COLEC12: variants seen among roughly 807,000 people sequenced by gnomAD.
COLEC12 encodes collectin subfamily member 12, also known as collectin-12.
COLEC12 carries 33 observed loss-of-function variants against 71.1 expected under a neutral mutation model. The ratio of observed to expected loss-of-function variants is 0.46; its 90% CI spans 0.35 to 0.62. COLEC12 has a LOEUF of 0.62. Ranked by LOEUF, COLEC12 falls within the 20% of genes least tolerant of loss-of-function variation. The probability of loss-of-function intolerance (pLI) is 0.00; values close to 1 mark genes in which losing one functional copy is unlikely to be tolerated. For synonymous variants in COLEC12, 350 were observed against 353.0 expected (o/e 0.99, Z 0.10); for missense variants, 765 against 916.1 (o/e 0.84, Z 2.13).
intron 5 of COLEC12, among the ~76,000 whole-genome samples, chr18:344,105 T>C (rs776523894): frequency 3.9e-5 from 6 of 152,064 alleles, no homozygotes; most frequent in Non-Finnish European, 7.4e-5. Flanking sequence ...CAGAATACCA[T>C]GATAAGATTG....
At chr18:419,148 CTTCTATTCTATTCTATTCTATTCTA>C (rs57522856) in intron 2 of COLEC12, among the ~76,000 whole-genome samples, 5,759 of 145,476 alleles carry the variant, frequency 0.04, 312 homozygotes, top group African/African-American at 0.13. Flanking sequence ...AGGCATCATA[CTTCTATTCTATTCTATTCTATTCTA>C]TTCTATTCTA....
At chr18:463,149 C>T (rs1376118892) in intron 2 of COLEC12, among the ~76,000 whole-genome samples, 2 of 152,178 alleles carry the variant, frequency 1.3e-5, no homozygotes, top group Non-Finnish European at 2.9e-5. Context: ...GAAAAAGCTT[C>T]CAACCTCTGC....
At chr18:429,949 T>A (rs1162101436) in intron 2 of COLEC12, among the ~76,000 whole-genome samples, 1 of 152,238 alleles carries the variant, frequency 6.6e-6, no homozygotes, top group African/African-American at 2.4e-5. Flanking sequence ...AAATAGAATG[T>A]AAGCTGCCTT....
intron 2 of COLEC12, among the ~76,000 whole-genome samples, chr18:440,292 T>C (rs889968998): frequency 1.3e-5 from 2 of 151,888 alleles, no homozygotes; most frequent in African/African-American, 4.8e-5. Flanking sequence ...TATAGCATGG[T>C]AACTGTAGTT....
intron 2 of COLEC12, among the ~76,000 whole-genome samples, chr18:391,423 G>A (rs1295952207): frequency 6.6e-6 from 1 of 152,188 alleles, no homozygotes; most frequent in African/African-American, 2.4e-5. Flanking sequence ...GTTCTTCAGC[G>A]AATACACATG....
chr18:380,743 C>T (rs1437967634), intron 2 of COLEC12, among the ~76,000 whole-genome samples: 1 of 152,110 alleles, frequency 6.6e-6, no homozygotes, highest in Non-Finnish European at 1.5e-5. Flanking sequence ...AGCTGTACAT[C>T]AGAAATCAAG....
At chr18:481,402 C>T (rs2143772968) in intron 1 of COLEC12, among the ~76,000 whole-genome samples, 1 of 152,212 alleles carries the variant, frequency 6.6e-6, no homozygotes, top group Middle Eastern at 3.4e-3. Flanking sequence ...GCATACCCAC[C>T]ATGGAAAGAA....
intron 2 of COLEC12, among the ~76,000 whole-genome samples, chr18:410,442 C>CTTT (rs113699478): frequency 5.5e-5 from 8 of 144,582 alleles, no homozygotes; most frequent in South Asian, 2.2e-4. Flanking sequence ...AGTTGTTCTT[C>CTTT]TTTTTTTTTT....
chr18:460,356 C>T (rs1487778422), intron 2 of COLEC12, among the ~76,000 whole-genome samples: 8 of 152,166 alleles, frequency 5.3e-5, no homozygotes, highest in Non-Finnish European at 8.8e-5. Context: ...TTTCATTTTA[C>T]GCATCAGTGA....
intron 5 of COLEC12, among the ~76,000 whole-genome samples, chr18:342,691 A>G (rs1914282858): frequency 6.6e-6 from 1 of 152,214 alleles, no homozygotes; most frequent in Admixed American, 6.5e-5. Flanking sequence ...TCGTTCCCTT[A>G]GAATACCTGC....
chr18:366,884 A>C (rs1481193943), intron 2 of COLEC12, among the ~76,000 whole-genome samples: 1 of 152,204 alleles, frequency 6.6e-6, no homozygotes, highest in Admixed American at 6.5e-5. Context: ...TGACAGTTAA[A>C]ACACTGACAC....
intron 2 of COLEC12, among the ~76,000 whole-genome samples, chr18:359,941 G>A (rs1914707905): frequency 6.6e-6 from 1 of 152,196 alleles, no homozygotes; most frequent in Non-Finnish European, 1.5e-5. Context: ...GCAAAATGAT[G>A]AGAGAAACAG....
chr18:481,335 G>A (rs1242295280), intron 1 of COLEC12, among the ~76,000 whole-genome samples: 2 of 110,574 alleles, frequency 1.8e-5, no homozygotes, highest in African/African-American at 5.3e-5. Context: ...GGGACCAACC[G>A]ATGGTTTCGC....
intron 2 of COLEC12, among the ~76,000 whole-genome samples, chr18:425,162 T>C (rs532698320): frequency 5.3e-5 from 8 of 152,312 alleles, no homozygotes; most frequent in Admixed American, 2.0e-4. Context: ...CTTAATTGTG[T>C]CTATGGTATT....
chr18:384,643 C>G (rs1423736422), intron 2 of COLEC12, among the ~76,000 whole-genome samples: 4 of 152,160 alleles, frequency 2.6e-5, no homozygotes, highest in African/African-American at 7.2e-5. Flanking sequence ...TAGAGTGAAA[C>G]CCCGTTGGTC....
rs116522041 is a variant in COLEC12 at position 392,578 on chromosome 18, C to T, written c.59-35056G>A. The stretch of plus-strand genomic sequence containing the variant: ...TCAGATGCTATTTGGTGAAATGCCA[C>T]ACCCTTGTCCCAGCTTTCTGGACCC... On this transcript the variant is annotated intron_variant, in intron 2 of 9. Transcript: ENST00000400256. Among the ~76,000 whole-genome samples, 988 of 152,338 alleles carry T rather than the reference C, an allele frequency of 6.5e-3. 10 individuals are homozygous for T. Among genetic ancestry groups the T allele is most frequent in the African/African-American group, 0.022 (917 of 41,568 alleles).
At chr18:405,273 T>C (rs542332969) in intron 2 of COLEC12, among the ~76,000 whole-genome samples, 34 of 152,346 alleles carry the variant, frequency 2.2e-4, no homozygotes, top group Non-Finnish European at 4.7e-4. Context: ...TTATGAATAG[T>C]TCTGCTTTTG....
In COLEC12 at chr18:480,766, G is replaced by A. The variant is rs1917399215; in HGVS notation, c.8-9C>T. The A allele has an allele frequency of 1.2e-6, 2 of 1,613,652 alleles. No individual in the cohort carries two copies. The highest frequency in any genetic ancestry group is 1.7e-6 in the Non-Finnish European group (2 of 1,179,634). ...CTCCTCTGCGAAGTCGTCTGTGAGA[G>A]AAGAAGAGACACGATGTTAATCCTG... On this transcript the variant is annotated splice_polypyrimidine_tract_variant and intron_variant, in intron 1 of 9. Transcript: ENST00000400256. The surrounding 1 kb of genome is among the most constrained non-coding windows in gnomAD (Gnocchi z 4.1).
chr18:428,026 A>T (rs1433792613), intron 2 of COLEC12, among the ~76,000 whole-genome samples: 2 of 152,148 alleles, frequency 1.3e-5, no homozygotes, highest in Non-Finnish European at 2.9e-5. Context: ...GCACTTCGGG[A>T]GGATGAGGCA....
Sources: allele counts gnomAD v4.1 joint callset (sites outside exome capture counted in the v4.1 genomes callset), GRCh38; gene constraint gnomAD v4.1.1; non-coding constraint Gnocchi (gnomAD v3.1); transcripts MANE v1.5; gene names NCBI Gene and HGNC (gene_info 2026-07-23, HGNC 2026-07-21).